Variants in FER1L6 observed in about 807,000 individuals in gnomAD.
FER1L6 encodes the protein fer-1-like protein 6.
FER1L6 carries 177 observed loss-of-function variants against 219.2 expected under a neutral mutation model. The observed-to-expected ratio is 0.81, with a 90% confidence interval of 0.71 to 0.91. FER1L6 has a LOEUF of 0.91. Ranked by LOEUF, FER1L6 falls within the 40% of genes least tolerant of loss-of-function variation. The pLI is 0.00. For synonymous variants in FER1L6, 768 were observed against 824.3 expected, an observed-to-expected ratio of 0.93 and a Z score of 1.17; for missense variants, 2,153 against 2,259.9, an observed-to-expected ratio of 0.95 and a Z score of 0.96.
chr8:124,033,208 C>A (rs1321456588), intron 18 of FER1L6, among the ~76,000 whole-genome samples: 3 of 152,182 alleles, frequency 2.0e-5, no homozygotes, highest in African/African-American at 7.2e-5. Context: ...GTGCCAAGAA[C>A]TCTTTTAGGC....
chr8:123,891,917 A>C (rs899022887), intron 1 of FER1L6, among the ~76,000 whole-genome samples: 12 of 152,206 alleles, frequency 7.9e-5, no homozygotes, highest in Admixed American at 6.5e-4. Context: ...TTGAGGGATA[A>C]GATTAGTTCA....
At chr8:123,879,901 T>C in intron 1 of FER1L6, among the ~76,000 whole-genome samples, 1 of 152,148 alleles carries the variant, frequency 6.6e-6, no homozygotes, top group East Asian at 1.9e-4. Context: ...GATGCTGCCT[T>C]ATTACCATGG....
At chr8:123,990,427 G>T (rs1388510221) in intron 12 of FER1L6, among the ~76,000 whole-genome samples, 3 of 152,152 alleles carry the variant, frequency 2.0e-5, no homozygotes, top group African/African-American at 4.8e-5. Flanking sequence ...TCTGGCTGGG[G>T]TAGGATGGTA....
intron 34 of FER1L6, among the ~76,000 whole-genome samples, chr8:124,092,464 C>G (rs1210875840): frequency 1.3e-5 from 2 of 152,122 alleles, no homozygotes; most frequent in Non-Finnish European, 2.9e-5. Context: ...ATACCAATAA[C>G]TATCCTATTT....
intron 18 of FER1L6, among the ~76,000 whole-genome samples, chr8:124,030,561 A>G (rs1406526776): frequency 6.6e-6 from 1 of 152,078 alleles, no homozygotes; most frequent in Non-Finnish European, 1.5e-5. Flanking sequence ...CTCAGAGCCC[A>G]GAGGGTGGCG....
intron 13 of FER1L6, among the ~76,000 whole-genome samples, chr8:124,007,450 A>G (rs1817712232): frequency 6.6e-6 from 1 of 152,090 alleles, no homozygotes; most frequent in Admixed American, 6.5e-5. Context: ...TGGTCAAAAC[A>G]ATAGCTGTCA....
chr8:124,042,957 GA>G (rs775185215), intron 20 of FER1L6, among the ~76,000 whole-genome samples: 4 of 152,168 alleles, frequency 2.6e-5, no homozygotes, highest in Admixed American at 2.0e-4. Context: ...ATGAAAGAGG[GA>G]AACAGACTAA....
At chr8:124,070,035 C>T (rs1219455468) in intron 29 of FER1L6, among the ~76,000 whole-genome samples, 3 of 152,042 alleles carry the variant, frequency 2.0e-5, no homozygotes, top group Non-Finnish European at 4.4e-5. Context: ...TATAATTTTC[C>T]ACCTGGAAAT....
At chr8:124,031,955 AT>A (rs956097005) in intron 18 of FER1L6, among the ~76,000 whole-genome samples, 1 of 152,174 alleles carries the variant, frequency 6.6e-6, no homozygotes, top group South Asian at 2.1e-4. Flanking sequence ...ATTTGCATAT[AT>A]TTTTTTAAAT....
intron 22 of FER1L6, among the ~76,000 whole-genome samples, chr8:124,056,323 C>T (rs1452979425): frequency 3.3e-5 from 5 of 152,242 alleles, no homozygotes; most frequent in Non-Finnish European, 5.9e-5. Context: ...CTGGCCTCCC[C>T]TACGGTTGTG....
At chr8:124,087,741 A>G (rs922967981) in intron 33 of FER1L6, among the ~76,000 whole-genome samples, 8 of 152,086 alleles carry the variant, frequency 5.3e-5, no homozygotes, top group African/African-American at 1.9e-4. Context: ...AAATATTTGA[A>G]GGGACTTGGG....
chr8:124,015,074 G>A (rs1818126218), intron 15 of FER1L6, among the ~76,000 whole-genome samples: 1 of 152,192 alleles, frequency 6.6e-6, no homozygotes, highest in Non-Finnish European at 1.5e-5. Context: ...GCCTCTCTAA[G>A]CTGCCTCTCA....
At chr8:124,014,444 G>C (rs1266021080) in intron 15 of FER1L6, 1 of 152,870 alleles carries the variant, frequency 6.5e-6, no homozygotes, top group Non-Finnish European at 1.5e-5. Flanking sequence ...GGTCTTTCCT[G>C]GTTATTTGAT....
intron 1 of FER1L6, among the ~76,000 whole-genome samples, chr8:123,917,571 A>T (rs1218609238): frequency 2.6e-5 from 4 of 152,238 alleles, no homozygotes; most frequent in Non-Finnish European, 2.9e-5. Context: ...CGCCAAAGAA[A>T]AAACATAGCT....
rs1161310440 is a variant in FER1L6, at chr8:123,864,520, G to A, written c.-8+12335G>A. Among the ~76,000 whole-genome samples the A allele has an allele frequency of 1.2e-4, 18 of 149,714 alleles. No homozygotes were observed. In the South Asian group the frequency reaches 1.9e-3, roughly 16 times the overall value. On this transcript the variant is annotated intron_variant, in intron 1 of 40. Coordinates refer to ENST00000522917, the MANE Select transcript of FER1L6 (RefSeq NM_001039112.2). ...TTCTCTGTATTTCCTGAATCTGAAC[G>A]TTGGCCTGCCTTGCTAGATTGGGGA... is the stretch of plus-strand genomic sequence containing the variant.
intron 17 of FER1L6, among the ~76,000 whole-genome samples, chr8:124,022,189 G>C (rs1263505666): frequency 2.0e-5 from 3 of 152,188 alleles, no homozygotes; most frequent in Admixed American, 6.5e-5. Flanking sequence ...TACTGCTTCT[G>C]TTTTTCTTGA....
At chr8:124,060,311 T>C (rs1367101307) in intron 23 of FER1L6, 21 bp downstream of exon 23, 1 of 1,610,918 alleles carries the variant, frequency 6.2e-7, no homozygotes, top group Non-Finnish European at 8.5e-7. Flanking sequence ...GCGGAGGAGC[T>C]GAGTTGTTCT....
intron 17 of FER1L6, 81 bp from the exon 18 acceptor site, chr8:124,023,363 A>G: frequency 1.5e-6 from 2 of 1,368,714 alleles, no homozygotes; most frequent in Non-Finnish European, 2.0e-6. Context: ...TCAGGATAGC[A>G]GAACTCTGCA....
intron 19 of FER1L6, among the ~76,000 whole-genome samples, chr8:124,038,493 G>C (rs1453889949): frequency 6.6e-6 from 1 of 152,086 alleles, no homozygotes; most frequent in African/African-American, 2.4e-5. Context: ...CCCAGTGATG[G>C]ACATGCAGGT....
Sources: gnomAD v4.1 joint callset for allele counts (sites outside exome capture counted in the v4.1 genomes callset) on GRCh38, gnomAD v4.1.1 for gene constraint, MANE v1.5 for transcripts, NCBI Gene and HGNC (gene_info 2026-07-23, HGNC 2026-07-21) for gene names.